The following MYOCD variants were observed in gnomAD, a reference collection of about 807,000 sequenced individuals.
MYOCD encodes the protein myocardin.
MYOCD carries 32 observed loss-of-function variants against 96.1 expected under a neutral mutation model. The observed-to-expected ratio is 0.33, with a 90% CI of 0.25 to 0.45. MYOCD has a LOEUF of 0.45. Among genes scored for constraint, MYOCD ranks in the 20% least tolerant of loss-of-function variants. The pLI is 1.00. For missense variants in MYOCD, 1,133 were observed against 1,200.6 expected (o/e 0.94, Z 0.83); for synonymous variants, 469 against 469.0 (o/e 1.00, Z 0.00).
At position 12,747,867 on chromosome 17, in the gene MYOCD, T is replaced by TA. The variant is rs57335981; in HGVS notation, c.1125+1809dup. ...TGTGGATAATTTTTTGGATCCTATT[T>TA]AAAAAAAAAAAAAACTGGCTGGGCG... On this transcript the variant is annotated intron_variant, in intron 9 of 13. Coordinates refer to ENST00000425538, the MANE Select transcript of MYOCD (RefSeq NM_001146312.3). 4.1e-3 allele frequency among the ~76,000 whole-genome samples: 592 copies of TA among 145,452 alleles called. 2 individuals are homozygous for TA. Among genetic ancestry groups the TA allele is most frequent in the Middle Eastern group, 0.01 (3 of 288 alleles).
intron 12 of MYOCD, among the ~76,000 whole-genome samples, chr17:12,758,537 C>G (rs147746578): frequency 2.0e-5 from 3 of 152,178 alleles, no homozygotes; most frequent in African/African-American, 2.4e-5. Context: ...TTCTAGATAG[C>G]CTCGCACTTA....
chr17:12,677,992 T>C (rs57293147), intron 1 of MYOCD, among the ~76,000 whole-genome samples: 18,391 of 150,084 alleles, frequency 0.12, 2,136 homozygotes, highest in African/African-American at 0.31. Context: ...TCCCAGGTTC[T>C]AGCGATTCTC....
intron 8 of MYOCD, among the ~76,000 whole-genome samples, chr17:12,744,889 A>T (rs1042446545): frequency 3.3e-5 from 5 of 152,214 alleles, no homozygotes; most frequent in Non-Finnish European, 7.3e-5. Context: ...ACTGGACACA[A>T]CTATTTTTGA....
At chr17:12,681,317 CTTGAG>C (rs1460547314) in intron 1 of MYOCD, among the ~76,000 whole-genome samples, 1 of 152,106 alleles carries the variant, frequency 6.6e-6, no homozygotes, top group African/African-American at 2.4e-5. Flanking sequence ...CCTCTAGTGT[CTTGAG>C]TTATTTTAAC....
chr17:12,706,830 C>T (rs907649104), intron 2 of MYOCD, among the ~76,000 whole-genome samples: 1 of 152,092 alleles, frequency 6.6e-6, no homozygotes, highest in Non-Finnish European at 1.5e-5. Context: ...TAACAAAATA[C>T]CACTTATTAG....
At chr17:12,757,562 T>C (rs2033048532) in intron 11 of MYOCD, among the ~76,000 whole-genome samples, 1 of 152,158 alleles carries the variant, frequency 6.6e-6, no homozygotes, top group African/African-American at 2.4e-5. Flanking sequence ...AGTGGCGCGA[T>C]CTCGGCTCAC....
Position 12,763,810 on chromosome 17 carries a change from A to G in MYOCD, c.*166A>G. 2 of 569,900 alleles carry G rather than the reference A, an allele frequency of 3.5e-6. No individual in the cohort carries two copies. The highest frequency in any genetic ancestry group is 3.0e-6 in the Non-Finnish European group (1 of 337,782). The allele number at this position is 569,900 out of a possible 1,614,324, so 35.3% of individuals were successfully genotyped here. ...GAACAAAAGTCATTTTTAGAAATAC[A>G]TATACTGTAATATTTACCAACAGTC... On this transcript the variant is annotated 3_prime_UTR_variant, in exon 14 of 14. Coordinates refer to ENST00000425538, the MANE Select transcript of MYOCD (RefSeq NM_001146312.3).
At chr17:12,683,112 A>G (rs1427147828) in intron 1 of MYOCD, among the ~76,000 whole-genome samples, 3 of 152,132 alleles carry the variant, frequency 2.0e-5, no homozygotes, top group African/African-American at 7.2e-5. Flanking sequence ...CTTCTCCCGC[A>G]ATATTGACTG....
chr17:12,717,236 G>C, intron 3 of MYOCD, 110 bp from the exon 4 acceptor site: 2 of 789,048 alleles, frequency 2.5e-6, no homozygotes, highest in Non-Finnish European at 4.0e-6. Flanking sequence ...GGGACACCAA[G>C]AATATTTTCA....
Position 12,700,399 on chromosome 17 carries a change from ATT to A in MYOCD, c.56-4701_56-4700del, listed in dbSNP as rs952565560. On this transcript the variant is annotated intron_variant, in intron 1 of 13. Transcript: ENST00000425538. ...ATTGGCTAACTCTAGCAATGGGAGA[ATT>A]TTTTTTTTTTTTTTTTTTTTTTTTT... Among the ~76,000 whole-genome samples, 14 of 76,886 alleles carry A rather than the reference ATT, an allele frequency of 1.8e-4. No homozygotes were observed. The East Asian group carries it at 2.7e-3, about 15-fold the overall frequency. The allele number at this position is 76,886 out of a possible 152,430, so 50.4% of individuals were successfully genotyped here.
At chr17:12,684,560 A>G (rs1597732668) in intron 1 of MYOCD, among the ~76,000 whole-genome samples, 1 of 152,284 alleles carries the variant, frequency 6.6e-6, no homozygotes, top group South Asian at 2.1e-4. Context: ...GAATTTCACA[A>G]TGGTGACCGG....
chr17:12,677,798 A>T (rs1185481447), intron 1 of MYOCD, among the ~76,000 whole-genome samples: 1 of 152,008 alleles, frequency 6.6e-6, no homozygotes, highest in African/African-American at 2.4e-5. Flanking sequence ...TTATGTTATT[A>T]TAAGATATCA....
At chr17:12,693,625 GAATAAAATAAAATAAAATAA>G (rs59593903) in intron 1 of MYOCD, among the ~76,000 whole-genome samples, 5,313 of 125,150 alleles carry the variant, frequency 0.042, 198 homozygotes, top group Admixed American at 0.12. Context: ...AAATAAAATA[GAATAAAATAAAATAAAATAA>G]AATAAAATAA....
Position 12,763,611 on chromosome 17 carries a change from T to G in MYOCD, c.2928T>G (p.Asn976Lys). 6.2e-7 allele frequency: 1 copy of G among 1,613,712 alleles called. No homozygotes were observed. Among genetic ancestry groups the G allele is most frequent in the Non-Finnish European group, 8.5e-7 (1 of 1,179,790 alleles). Residue 976 changes from asparagine to lysine, a missense_variant, in exon 14 of 14, where the codon AAT (asparagine) becomes AAG (lysine). Coordinates refer to ENST00000425538, the MANE Select transcript of MYOCD (RefSeq NM_001146312.3). Reference sequence around the variant, plus strand: ...TGGATGTCACTGATCTCAATTTGAATTCTTCCATGGACCTTCACTTGCAGC... The same window carrying G: ...TGGATGTCACTGATCTCAATTTGAAGTCTTCCATGGACCTTCACTTGCAGC... Reference protein sequence around the residue: ...DFLDVTDLNLNSSMDLHLQQW With the variant: ...DFLDVTDLNLKSSMDLHLQQW
intron 1 of MYOCD, among the ~76,000 whole-genome samples, chr17:12,678,791 G>C (rs1335661678): frequency 6.6e-6 from 1 of 152,110 alleles, no homozygotes; most frequent in Non-Finnish European, 1.5e-5. Flanking sequence ...CACCTTCCGA[G>C]TTCATGGCAT....
At chr17:12,669,795 T>A (rs576029587) in intron 1 of MYOCD, among the ~76,000 whole-genome samples, 1 of 152,238 alleles carries the variant, frequency 6.6e-6, no homozygotes, top group South Asian at 2.1e-4. Flanking sequence ...ATTTTTTGTA[T>A]TTTTAGTAGA....
intron 10 of MYOCD, among the ~76,000 whole-genome samples, chr17:12,756,102 C>T (rs911050033): frequency 1.3e-5 from 2 of 152,008 alleles, no homozygotes; most frequent in African/African-American, 2.4e-5. Flanking sequence ...GGCATGCTGC[C>T]GGAGGTCCAT....
At chr17:12,716,027 C>T (rs976237439) in intron 3 of MYOCD, among the ~76,000 whole-genome samples, 4 of 152,056 alleles carry the variant, frequency 2.6e-5, no homozygotes, top group African/African-American at 9.7e-5. Context: ...TGCTTTTTTC[C>T]CTTCTTTTTT....
At chr17:12,696,191 G>A (rs1158101548) in intron 1 of MYOCD, among the ~76,000 whole-genome samples, 1 of 151,942 alleles carries the variant, frequency 6.6e-6, no homozygotes, top group Non-Finnish European at 1.5e-5. Context: ...TGTTGACGAG[G>A]ATGGTCTTAA....
Sources: allele counts gnomAD v4.1 joint callset (sites outside exome capture counted in the v4.1 genomes callset), GRCh38; gene constraint gnomAD v4.1.1; transcripts MANE v1.5; gene names NCBI Gene and HGNC (gene_info 2026-07-23, HGNC 2026-07-21).